DLST: variants seen among roughly 807,000 people sequenced by gnomAD.
DLST encodes the protein dihydrolipoamide S-succinyltransferase.
In DLST, 17 loss-of-function variants were observed where a neutral mutation model predicts 53.1. The ratio of observed to expected loss-of-function variants is 0.32; its 90% CI spans 0.22 to 0.48. DLST has a LOEUF of 0.48. DLST is among the 20% of genes least tolerant of loss of function. The probability of loss-of-function intolerance (pLI) is 0.99; values close to 1 mark genes in which losing one functional copy is unlikely to be tolerated. For synonymous variants in DLST, 206 were observed against 204.8 expected (o/e 1.01, Z -0.05); for missense variants, 512 against 583.9 (o/e 0.88, Z 1.27).
At chr14:74,897,545 G>A (rs1255132326) in intron 10 of DLST, among the ~76,000 whole-genome samples, 1 of 152,180 alleles carries the variant, frequency 6.6e-6, no homozygotes, top group Non-Finnish European at 1.5e-5. Context: ...CTTTTCAGAA[G>A]GCTTGCTGCT....
chr14:74,889,355 A>G lies in DLST; in HGVS notation c.274+6A>G, dbSNP rs754769021. 6.7e-6 allele frequency: 10 copies of G among 1,489,272 alleles called. No homozygotes were observed. The Admixed American group carries it at 7.3e-5, about 11-fold the overall frequency. The allele number at this position is 1,489,272 out of a possible 1,614,324, so 92.3% of individuals were successfully genotyped here. ...AGATGTCAGGTGGGAGAAAGGTAAG[A>G]TTTAGTTTCCTATTTTTTTTTTTTT... On this transcript the variant is annotated splice_donor_region_variant and intron_variant, in intron 5 of 14. Coordinates refer to ENST00000334220, the MANE Select transcript of DLST (RefSeq NM_001933.5).
At chr14:74,890,744 G>A (rs1291060446) in intron 6 of DLST, among the ~76,000 whole-genome samples, 1 of 152,088 alleles carries the variant, frequency 6.6e-6, no homozygotes, top group African/African-American at 2.4e-5. Context: ...GAGACGTTTC[G>A]CTCTATCACC....
At chr14:74,883,294 CAAAA>C (rs35879783) in intron 2 of DLST, among the ~76,000 whole-genome samples, 3 of 67,266 alleles carry the variant, frequency 4.5e-5, no homozygotes, top group Admixed American at 1.7e-4. Flanking sequence ...GACTCCATCT[CAAAA>C]AAAAAAAAAA....
intron 6 of DLST, among the ~76,000 whole-genome samples, chr14:74,890,715 CTGTTGT>C (rs959370785): frequency 4.6e-5 from 7 of 151,994 alleles, no homozygotes; most frequent in East Asian, 1.9e-4. Context: ...TGGAGATACG[CTGTTGT>C]TGTTGTTGTT....
chr14:74,893,843 C>T (rs899121703), intron 9 of DLST, among the ~76,000 whole-genome samples: 2 of 152,164 alleles, frequency 1.3e-5, no homozygotes, highest in Admixed American at 6.5e-5. Flanking sequence ...AGACATAAAG[C>T]CTCAAGGAAG....
intron 7 of DLST, chr14:74,891,833 C>A (rs1883918606): frequency 6.1e-6 from 6 of 985,330 alleles, no homozygotes; most frequent in Non-Finnish European, 7.2e-6. Context: ...GGCAGATAGA[C>A]CGCATGATTG....
intron 10 of DLST, among the ~76,000 whole-genome samples, chr14:74,895,733 C>G (rs1232264462): frequency 6.6e-6 from 1 of 152,142 alleles, no homozygotes; most frequent in East Asian, 1.9e-4. Flanking sequence ...AACTCTGCCT[C>G]TACTAAAAAT....
At chr14:74,896,565 C>T (rs1262469662) in intron 10 of DLST, among the ~76,000 whole-genome samples, 2 of 152,160 alleles carry the variant, frequency 1.3e-5, no homozygotes, top group African/African-American at 4.8e-5. Context: ...CAGAGTAGGG[C>T]TCTGTGACCT....
chr14:74,900,642 G>A (rs1319031828), intron 13 of DLST, among the ~76,000 whole-genome samples: 1 of 152,202 alleles, frequency 6.6e-6, no homozygotes, highest in Non-Finnish European at 1.5e-5. Context: ...TGGAGCACTG[G>A]TCATAGACAC....
At chr14:74,894,270 G>C in intron 9 of DLST, 42 bp from the exon 10 acceptor site, 2 of 1,610,238 alleles carry the variant, frequency 1.2e-6, no homozygotes, top group Non-Finnish European at 8.5e-7. Flanking sequence ...GCTTGACCCA[G>C]AGAGATCAGA....
At chr14:74,894,921 C>T (rs1461835066) in intron 10 of DLST, among the ~76,000 whole-genome samples, 2 of 152,238 alleles carry the variant, frequency 1.3e-5, no homozygotes, top group African/African-American at 2.4e-5. Flanking sequence ...ATGCCTGCCT[C>T]CTCCATGACC....
chr14:74,899,026 A>G (rs732765), intron 11 of DLST, among the ~76,000 whole-genome samples: 48,560 of 151,992 alleles, frequency 0.32, 9,256 homozygotes, highest in African/African-American at 0.53. Flanking sequence ...CTGTTGACAC[A>G]CTTCTCTGTT....
Position 74,898,499 on chromosome 14 carries a change from G to C in DLST, c.901G>C (p.Val301Leu). 1 of 1,614,014 alleles carries C rather than the reference G, an allele frequency of 6.2e-7. No individual in the cohort carries two copies. Among genetic ancestry groups the C allele is most frequent in the Non-Finnish European group, 8.5e-7 (1 of 1,179,918 alleles). ...GCAGGAACAGCCTGTTGTAAATGCA[G>C]GTGAGTTGCTTGTGGCTGGAATTGG... ...ALQEQPVVNA[V>L]IDDTTKEVVY... is the part of the protein sequence containing the mutation. The change falls in exon 11 of 15, where the codon GTG becomes CTG. Residue 301 changes from valine (V) to leucine (L), a missense_variant and splice_region_variant. Coordinates refer to ENST00000334220, the MANE Select transcript of DLST (RefSeq NM_001933.5).
At position 74,882,027 on chromosome 14, in the gene DLST, G is replaced by A; in HGVS notation, c.63+11G>A. ...TCCGCCTTCCAGAAGGTACGGTCTG[G>A]CCGAGCCGGGGCCCCGACGGGTGAG... On this transcript the variant is annotated intron_variant, in intron 1 of 14. Transcript: ENST00000334220. 6.5e-7 allele frequency: 1 copy of A among 1,548,350 alleles called. No homozygotes were observed. The highest frequency in any genetic ancestry group is 1.8e-4 in the Middle Eastern group (1 of 5,412).
intron 2 of DLST, among the ~76,000 whole-genome samples, chr14:74,883,510 GA>G (rs1566787990): frequency 2.0e-5 from 3 of 152,086 alleles, no homozygotes; most frequent in Non-Finnish European, 2.9e-5. Context: ...AAGGAGTTTA[GA>G]TTTTATCCTA....
rs1262167205 is a variant in DLST, at chr14:74,882,020, C to T, written c.63+4C>T. On this transcript the variant is annotated splice_donor_region_variant and intron_variant, in intron 1 of 14. Coordinates refer to ENST00000334220, the MANE Select transcript of DLST (RefSeq NM_001933.5). ...CTCGCTCTCCGCCTTCCAGAAGGTA[C>T]GGTCTGGCCGAGCCGGGGCCCCGAC... The T allele has an allele frequency of 2.6e-6, 4 of 1,556,018 alleles. No individual in the cohort carries two copies. Among genetic ancestry groups the T allele is most frequent in the African/African-American group, 1.4e-5 (1 of 72,184 alleles).
chr14:74,890,124 CTTTT>C (rs34237381), intron 6 of DLST, among the ~76,000 whole-genome samples, 172 bp downstream of exon 6: 6 of 85,102 alleles, frequency 7.1e-5, no homozygotes, highest in African/African-American at 1.2e-4. Context: ...TTACATTTAA[CTTTT>C]TTTTTTTTTT....
At position 74,894,424 on chromosome 14, in the gene DLST, C is replaced by T. The variant is rs1192286792; in HGVS notation, c.770+15C>T. 4 of 1,612,060 alleles carry T rather than the reference C, an allele frequency of 2.5e-6. No homozygotes were observed. Among genetic ancestry groups the T allele is most frequent in the Non-Finnish European group, 2.5e-6 (3 of 1,178,874 alleles). On this transcript the variant is annotated intron_variant, in intron 10 of 14. Coordinates refer to ENST00000334220, the MANE Select transcript of DLST (RefSeq NM_001933.5). ...ATTGACATGAGGTAGTGTCTCTAGT[C>T]CCTCTTATCCCCTAGGCCCCTTTTT...
chr14:74,891,737 G>C (rs1322758835), intron 7 of DLST: 1 of 984,962 alleles, frequency 1.0e-6, no homozygotes, highest in Non-Finnish European at 1.2e-6. Flanking sequence ...CCACTAAAAA[G>C]TCTATTTCTT....
Sources: gnomAD v4.1 joint callset for allele counts (sites outside exome capture counted in the v4.1 genomes callset) on GRCh38, gnomAD v4.1.1 for gene constraint, MANE v1.5 for transcripts, NCBI Gene and HGNC (gene_info 2026-07-23, HGNC 2026-07-21) for gene names.